Variants in COPG2 observed in about 807,000 individuals in gnomAD.
COPG2 encodes coatomer subunit gamma-2.
In COPG2, 37 loss-of-function variants were observed where a neutral mutation model predicts 46.3. That is an observed-to-expected ratio of 0.80 (90% CI 0.61 to 1.05). The LOEUF is 1.05. Ranked by LOEUF, COPG2 falls within the 50% of genes least tolerant of loss-of-function variation. The probability of loss-of-function intolerance (pLI) is 0.00; values close to 1 mark genes in which losing one functional copy is unlikely to be tolerated. For synonymous variants in COPG2, 159 were observed against 129.7 expected (o/e 1.23, Z -1.53); for missense variants, 427 against 387.8 (o/e 1.10, Z -0.85).
chr7:130,522,680 G>T (rs1799733865), intron 20 of COPG2, among the ~76,000 whole-genome samples: 1 of 152,070 alleles, frequency 6.6e-6, no homozygotes, highest in South Asian at 2.1e-4. Context: ...ATGTGCAAAA[G>T]AAAGTGCTTC....
At chr7:130,587,391 C>T (rs1310764045) in intron 9 of COPG2, among the ~76,000 whole-genome samples, 1 of 151,920 alleles carries the variant, frequency 6.6e-6, no homozygotes, top group East Asian at 1.9e-4. Context: ...AAATGCTTTC[C>T]AATATCCAGT....
intron 4 of COPG2, among the ~76,000 whole-genome samples, chr7:130,657,916 A>C (rs1180954340): frequency 2.0e-5 from 3 of 152,354 alleles, no homozygotes; most frequent in African/African-American, 7.2e-5. Context: ...CAGAATGCAG[A>C]GCAAACTGCT....
intron 9 of COPG2, among the ~76,000 whole-genome samples, chr7:130,607,966 T>C: frequency 6.6e-6 from 1 of 152,312 alleles, no homozygotes; most frequent in East Asian, 1.9e-4. Context: ...ATCTTCATTT[T>C]GGGAAGGTAT....
intron 15 of COPG2, among the ~76,000 whole-genome samples, chr7:130,551,770 CT>C: frequency 6.6e-6 from 1 of 152,220 alleles, no homozygotes; most frequent in African/African-American, 2.4e-5. Flanking sequence ...TTTACGTAAA[CT>C]AGCCAACCTT....
intron 10 of COPG2, 125 bp from the exon 11 acceptor site, chr7:130,563,461 G>A (rs1793750597): frequency 5.3e-6 from 2 of 377,078 alleles, no homozygotes; most frequent in East Asian, 3.8e-5. Context: ...TAGATACAGT[G>A]ACTATTACCT....
At chr7:130,594,136 T>C (rs1188068551) in intron 9 of COPG2, among the ~76,000 whole-genome samples, 1 of 152,120 alleles carries the variant, frequency 6.6e-6, no homozygotes, top group African/African-American at 2.4e-5. Flanking sequence ...CAAACAAATA[T>C]TTCAATAGAA....
chr7:130,561,288 A>G, intron 11 of COPG2, 67 bp from the exon 12 acceptor site: 1 of 398,170 alleles, frequency 2.5e-6, no homozygotes, highest in Non-Finnish European at 4.4e-6. Flanking sequence ...TTAAATTTTA[A>G]TTGAGGTAAG....
chr7:130,605,602 T>C, intron 9 of COPG2: 1 of 417,036 alleles, frequency 2.4e-6, no homozygotes, highest in Non-Finnish European at 4.8e-6. Context: ...ATTGAAAGCA[T>C]GAGAAGGAAT....
rs541702371 is a variant in COPG2 at position 130,661,354 on chromosome 7, CAA to C, written c.243+1611_243+1612del. Among the ~76,000 whole-genome samples the C allele has an allele frequency of 2.0e-5, 3 of 152,300 alleles. No homozygotes were observed. In the South Asian group the frequency reaches 6.2e-4, roughly 32 times the overall value. Reference sequence around the variant, plus strand: ...ACACCTGGCTGCAAAAACAAAGCCACAAAAGAGGCAATAGCCTTCCATGACTT... The same window carrying C: ...ACACCTGGCTGCAAAAACAAAGCCACAAGAGGCAATAGCCTTCCATGACTT... On this transcript the variant is annotated intron_variant, in intron 4 of 23. Coordinates refer to ENST00000425248, the MANE Select transcript of COPG2 (RefSeq NM_012133.6).
intron 20 of COPG2, among the ~76,000 whole-genome samples, chr7:130,540,796 C>A (rs1799927672): frequency 6.6e-6 from 1 of 151,988 alleles, no homozygotes; most frequent in African/African-American, 2.4e-5. Flanking sequence ...TGATTCTTAT[C>A]TGGGGTAGGG....
At chr7:130,662,943 T>TA (rs1476398023) in intron 4 of COPG2, 24 bp downstream of exon 4, 128 of 1,430,946 alleles carry the variant, frequency 8.9e-5, no homozygotes, top group Middle Eastern at 3.5e-4. Flanking sequence ...TTTTTCATCG[T>TA]AAAAAAAATT....
intron 5 of COPG2, among the ~76,000 whole-genome samples, chr7:130,651,699 G>A (rs1202005950): frequency 1.3e-5 from 2 of 151,072 alleles, no homozygotes; most frequent in Non-Finnish European, 3.0e-5. Flanking sequence ...TGTATTTTTA[G>A]TAGAGACGGG....
intron 9 of COPG2, among the ~76,000 whole-genome samples, chr7:130,574,860 C>A (rs1011363978): frequency 2.5e-4 from 38 of 151,950 alleles, no homozygotes; most frequent in Admixed American, 2.4e-3. Context: ...AGAAAAAAAA[C>A]AATCAAAAAT....
At chr7:130,521,822 T>C (rs999071696) in intron 20 of COPG2, among the ~76,000 whole-genome samples, 1 of 151,832 alleles carries the variant, frequency 6.6e-6, no homozygotes, top group Non-Finnish European at 1.5e-5. Flanking sequence ...AAGAGTTATA[T>C]GATTAAAGAT....
chr7:130,647,225 G>A (rs1795630037), intron 5 of COPG2, among the ~76,000 whole-genome samples: 1 of 151,680 alleles, frequency 6.6e-6, no homozygotes, highest in Non-Finnish European at 1.5e-5. Flanking sequence ...ATTTTTATAT[G>A]GGGTTTCCCC....
chr7:130,609,326 C>T (rs1394301589), intron 9 of COPG2, among the ~76,000 whole-genome samples: 2 of 152,164 alleles, frequency 1.3e-5, no homozygotes, highest in East Asian at 3.8e-4. Context: ...CCATGCTGTT[C>T]TCATGACAGT....
chr7:130,547,441 T>A (rs1472753565), intron 20 of COPG2: 2 of 373,760 alleles, frequency 5.4e-6, no homozygotes, highest in Non-Finnish European at 9.5e-6. Context: ...TCTTTTAAGA[T>A]TAAGTGTTCA....
At chr7:130,644,329 G>A (rs533116587) in intron 5 of COPG2, among the ~76,000 whole-genome samples, 2 of 152,264 alleles carry the variant, frequency 1.3e-5, no homozygotes, top group South Asian at 4.2e-4. Flanking sequence ...ATGGCAGATG[G>A]TTCTAGGTTA....
intron 9 of COPG2, among the ~76,000 whole-genome samples, chr7:130,581,986 G>C (rs2116441081): frequency 6.6e-6 from 1 of 152,112 alleles, no homozygotes; most frequent in Admixed American, 6.5e-5. Flanking sequence ...TCACAGAATT[G>C]GAAAAAACTA....
Sources: allele counts gnomAD v4.1 joint callset (sites outside exome capture counted in the v4.1 genomes callset), GRCh38; gene constraint gnomAD v4.1.1; transcripts MANE v1.5; gene names NCBI Gene and HGNC (gene_info 2026-07-23, HGNC 2026-07-21).